The following RASAL1 variants were observed in gnomAD, a reference collection of about 807,000 sequenced individuals.
The protein encoded by RASAL1 is rasGAP-activating-like protein 1.
In RASAL1, 72 loss-of-function variants were observed where a neutral mutation model predicts 96.6. That is an observed-to-expected ratio of 0.75 (90% CI 0.62 to 0.91). The LOEUF (loss-of-function observed/expected upper bound fraction) is 0.91, where lower values mean the gene tolerates loss of function less well. Among genes scored for constraint, RASAL1 ranks in the 40% least tolerant of loss-of-function variants. The probability of loss-of-function intolerance (pLI) is 0.00; values close to 1 mark genes in which losing one functional copy is unlikely to be tolerated. For missense variants in RASAL1, 1,016 were observed against 1,072.5 expected (o/e 0.95, Z 0.74); for synonymous variants, 405 against 430.4 (o/e 0.94, Z 0.73).
intron 8 of RASAL1, 41 bp from the exon 9 acceptor site, chr12:113,116,092 G>T: frequency 6.7e-7 from 1 of 1,488,002 alleles, no homozygotes; most frequent in African/African-American, 1.4e-5. Flanking sequence ...AGATCTGGCC[G>T]AACACGATGG....
chr12:113,116,550 G>A (rs970432890), intron 8 of RASAL1, among the ~76,000 whole-genome samples: 2 of 152,192 alleles, frequency 1.3e-5, no homozygotes, highest in Non-Finnish European at 2.9e-5. Context: ...GTAGGCAGCT[G>A]TGAACAGGCA....
At chr12:113,126,683 C>G (rs1316838864) in intron 4 of RASAL1, among the ~76,000 whole-genome samples, 1 of 144,470 alleles carries the variant, frequency 6.9e-6, no homozygotes, top group Non-Finnish European at 1.5e-5. Context: ...CACTGTCTCT[C>G]TCTCTCACAC....
In RASAL1 at chr12:113,112,069, C is replaced by T. The variant is rs1394329962; in HGVS notation, c.1374+17G>A. On this transcript the variant is annotated intron_variant, in intron 13 of 20. Transcript: ENST00000548055. Reference sequence around the variant, plus strand: ...GCTCCGGCCTGTCCCCAGCCTCAGCCTCCCATCCTGGCGCACCTGGTGCTC... The same window carrying T: ...GCTCCGGCCTGTCCCCAGCCTCAGCTTCCCATCCTGGCGCACCTGGTGCTC... The T allele has an allele frequency of 8.1e-7, 1 of 1,237,394 alleles. No individual in the cohort carries two copies. The highest frequency in any genetic ancestry group is 3.0e-4 in the Middle Eastern group (1 of 3,280). The allele number at this position is 1,237,394 out of a possible 1,614,324, so 76.7% of individuals were successfully genotyped here. A position where few individuals can be genotyped will look rare whatever the true frequency, so the allele number is the denominator to read the frequency against.
intron 12 of RASAL1, among the ~76,000 whole-genome samples, chr12:113,114,582 A>G (rs1218528606): frequency 2.0e-5 from 3 of 152,132 alleles, no homozygotes; most frequent in Admixed American, 2.0e-4. Flanking sequence ...TAAGATTTGA[A>G]CCCAGGGCGC....
intron 13 of RASAL1, among the ~76,000 whole-genome samples, chr12:113,110,926 A>G (rs1227570537): frequency 6.6e-6 from 1 of 152,222 alleles, no homozygotes; most frequent in African/African-American, 2.4e-5. Context: ...AAAGTTAGTA[A>G]TAAGTAAATA....
intron 18 of RASAL1, chr12:113,103,213 ATTATT>A (rs1274140529): frequency 6.7e-6 from 1 of 148,424 alleles, no homozygotes; most frequent in African/African-American, 2.5e-5. Context: ...TATATTATAT[ATTATT>A]TTATATAATA....
Position 113,104,213 on chromosome 12 carries a change from A to G in RASAL1, c.1916T>C (p.Val639Ala). ...GAFQLPHVMQ[V>A]VTQDGTGALH... Reference sequence around the variant, plus strand: ...CGCCCCCGTGCCGTCCTGCGTCACCACCTGCATCACGTGGGGCAGTTGGAA... The same window carrying G: ...CGCCCCCGTGCCGTCCTGCGTCACCGCCTGCATCACGTGGGGCAGTTGGAA... The change falls in exon 17 of 21, where the codon GTG becomes GCG. Residue 639 changes from valine (V) to alanine (A), a missense_variant. Coordinates refer to ENST00000548055, the MANE Select transcript of RASAL1 (RefSeq NM_001301202.2). The G allele has an allele frequency of 6.2e-7, 1 of 1,610,174 alleles. No homozygotes were observed. Among genetic ancestry groups the G allele is most frequent in the Non-Finnish European group, 8.5e-7 (1 of 1,178,636 alleles).
chr12:113,113,905 A>C (rs1328765486), intron 12 of RASAL1, among the ~76,000 whole-genome samples: 4 of 152,152 alleles, frequency 2.6e-5, no homozygotes, highest in Non-Finnish European at 5.9e-5. Context: ...CCACTCAGAG[A>C]CCGCCAACAC....
chr12:113,114,678 C>T (rs1299496010), intron 12 of RASAL1, 122 bp downstream of exon 12: 40 of 773,876 alleles, frequency 5.2e-5, no homozygotes, highest in Middle Eastern at 2.4e-4. Context: ...GCTCAGCCAC[C>T]GAGCTCCTGA....
intron 13 of RASAL1, 71 bp downstream of exon 13, chr12:113,112,015 T>G (rs1950879602): frequency 8.3e-7 from 1 of 1,204,368 alleles, no homozygotes; most frequent in Non-Finnish European, 1.0e-6. Flanking sequence ...CACAGTTCTG[T>G]CCTGACTCCT....
Position 113,115,875 on chromosome 12 carries a change from A to G in RASAL1, c.849+59T>C. ...AGATAGGGCTCCGTGAGGCAGGGGG[A>G]GGCCAGGATCCAGACCCCCGGCACC... On this transcript the variant is annotated intron_variant, in intron 9 of 20. Transcript: ENST00000548055. This position sits in a 1 kb window ranked among gnomAD's most constrained non-coding sequence, Gnocchi z 4.1. The G allele has an allele frequency of 6.4e-7, 1 of 1,571,330 alleles. No homozygotes were observed. Among genetic ancestry groups the G allele is most frequent in the Non-Finnish European group, 8.7e-7 (1 of 1,150,582 alleles).
intron 13 of RASAL1, among the ~76,000 whole-genome samples, chr12:113,111,662 C>T (rs1287620687): frequency 6.6e-5 from 10 of 152,156 alleles, no homozygotes; most frequent in Non-Finnish European, 1.5e-4. Context: ...GGCGCAATCT[C>T]GGCTCACTGC....
rs1156736562 is a variant in RASAL1, at chr12:113,130,463, T to A, written c.122+422A>T. 1.3e-5 allele frequency among the ~76,000 whole-genome samples: 2 copies of A among 151,354 alleles called. No individual in the cohort carries two copies. The highest frequency in any genetic ancestry group is 2.9e-5 in the Non-Finnish European group (2 of 67,842). Reference sequence around the variant, plus strand: ...AGGCACTCACACTAGCCCCGCAACATCCCCCACCCCCTGCAACTCACAAGC... The same window carrying A: ...AGGCACTCACACTAGCCCCGCAACAACCCCCACCCCCTGCAACTCACAAGC... On this transcript the variant is annotated intron_variant, in intron 2 of 20. Coordinates refer to ENST00000548055, the MANE Select transcript of RASAL1 (RefSeq NM_001301202.2). This position sits in a 1 kb window ranked among gnomAD's most constrained non-coding sequence, Gnocchi z 5.1.
At chr12:113,110,697 AC>A (rs1950835401) in intron 13 of RASAL1, among the ~76,000 whole-genome samples, 2 of 152,148 alleles carry the variant, frequency 1.3e-5, no homozygotes. Flanking sequence ...AGGCAAGGGG[AC>A]TGCTTGAGGC....
chr12:113,103,211 ATATTATT>A (rs1233909289), intron 18 of RASAL1: 1 of 148,568 alleles, frequency 6.7e-6, no homozygotes, highest in Non-Finnish European at 1.5e-5. Flanking sequence ...TATATATTAT[ATATTATT>A]TTATATAATA....
chr12:113,100,772 A>AACCATC (rs1159722300), intron 19 of RASAL1, 92 bp from the exon 20 acceptor site: 1 of 1,050,386 alleles, frequency 9.5e-7, no homozygotes, highest in Non-Finnish European at 1.5e-6. Flanking sequence ...AGTTTTCCTG[A>AACCATC]ACCATCACCA....
intron 2 of RASAL1, 118 bp from the exon 3 acceptor site, chr12:113,128,296 A>T: frequency 1.5e-6 from 1 of 670,894 alleles, no homozygotes; most frequent in Non-Finnish European, 2.6e-6. Flanking sequence ...ATCCAGACAC[A>T]CACACACTCA....
intron 5 of RASAL1, among the ~76,000 whole-genome samples, chr12:113,120,509 A>C (rs1951255262): frequency 6.6e-6 from 1 of 152,194 alleles, no homozygotes; most frequent in South Asian, 2.1e-4. Context: ...GTCACACAGC[A>C]AGCTGGAAAT....
chr12:113,135,221 G>T lies in RASAL1; in HGVS notation c.65+177C>A, dbSNP rs542191028. On this transcript the variant is annotated intron_variant, in intron 1 of 20. Coordinates refer to ENST00000548055, the MANE Select transcript of RASAL1 (RefSeq NM_001301202.2). The surrounding 1 kb of genome is among the most constrained non-coding windows in gnomAD (Gnocchi z 5.7). ...TAACTCTAGGCGCCCCCCTCCCACC[G>T]GGACAGCCATGGGCATGCGGCCTCT... 1.3e-5 allele frequency among the ~76,000 whole-genome samples: 2 copies of T among 152,114 alleles called. No individual in the cohort carries two copies. The highest frequency in any genetic ancestry group is 4.2e-4 in the South Asian group (2 of 4,808).
Sources: gnomAD v4.1 joint callset for allele counts (sites outside exome capture counted in the v4.1 genomes callset) on GRCh38, gnomAD v4.1.1 for gene constraint, Gnocchi (gnomAD v3.1) non-coding constraint, MANE v1.5 for transcripts, NCBI Gene and HGNC (gene_info 2026-07-23, HGNC 2026-07-21) for gene names.